DNAJC12: variants seen among roughly 807,000 people sequenced by gnomAD.
DNAJC12 encodes the protein dnaJ homolog subfamily C member 12.
DNAJC12 carries 25 observed loss-of-function variants against 28.5 expected under a neutral mutation model. That is an observed-to-expected ratio of 0.88 (90% CI 0.64 to 1.22). The LOEUF (loss-of-function observed/expected upper bound fraction) is 1.22, where lower values mean the gene tolerates loss of function less well. DNAJC12 is among the 50% of genes most tolerant of loss of function. The pLI, the probability that DNAJC12 is intolerant of heterozygous loss-of-function variation, is 0.00. For synonymous variants in DNAJC12, 77 were observed against 80.6 expected (o/e 0.95, Z 0.24); for missense variants, 222 against 231.7 (o/e 0.96, Z 0.27).
chr10:67,826,945 TATATATCATG>T (rs1367021028), intron 1 of DNAJC12, among the ~76,000 whole-genome samples: 4 of 134,926 alleles, frequency 3.0e-5, no homozygotes, highest in Non-Finnish European at 3.1e-5. Flanking sequence ...ATATATATAA[TATATATCATG>T]ATTTATATAT....
intron 1 of DNAJC12, among the ~76,000 whole-genome samples, chr10:67,837,109 A>G (rs752291302): frequency 7.2e-5 from 11 of 151,996 alleles, no homozygotes; most frequent in Admixed American, 1.3e-4. Flanking sequence ...AAAGTGTACA[A>G]GGAAAGTTTA....
At chr10:67,828,452 A>G (rs1828902127) in intron 1 of DNAJC12, among the ~76,000 whole-genome samples, 1 of 152,168 alleles carries the variant, frequency 6.6e-6, no homozygotes, top group African/African-American at 2.4e-5. Context: ...ACCCAGACTA[A>G]TAACTATTAT....
chr10:67,838,017 T>A lies in DNAJC12; in HGVS notation c.-6A>T. 6.3e-7 allele frequency: 1 copy of A among 1,596,788 alleles called. No individual in the cohort carries two copies. Among genetic ancestry groups the A allele is most frequent in the Non-Finnish European group, 8.6e-7 (1 of 1,168,404 alleles). ...TAATTCAGTATTGCATCCATTTAGA[T>A]GACTTAATCAGTCCTTCTTCCCTCG... On this transcript the variant is annotated 5_prime_UTR_variant, in exon 1 of 5. Transcript: ENST00000225171.
At chr10:67,825,823 C>T (rs1842024220) in intron 1 of DNAJC12, among the ~76,000 whole-genome samples, 1 of 152,168 alleles carries the variant, frequency 6.6e-6, no homozygotes, top group Non-Finnish European at 1.5e-5. Flanking sequence ...GAAAAGATGA[C>T]TTCCTGTTAG....
intron 2 of DNAJC12, among the ~76,000 whole-genome samples, chr10:67,815,519 AAAAAAAAAGAAAAG>A (rs1010552192): frequency 6.6e-6 from 1 of 150,950 alleles, no homozygotes; most frequent in Non-Finnish European, 1.5e-5. Flanking sequence ...AAAAAAAAAA[AAAAAAAAAGAAAAG>A]AAAAAAAAAG....
At chr10:67,805,478 C>A in intron 4 of DNAJC12, 105 bp downstream of exon 4, 2 of 1,184,988 alleles carry the variant, frequency 1.7e-6, no homozygotes, top group Non-Finnish European at 2.3e-6. Flanking sequence ...AATCTTTAAA[C>A]TTGGCACTGC....
chr10:67,837,660 A>T (rs991460284), intron 1 of DNAJC12, among the ~76,000 whole-genome samples: 4 of 152,216 alleles, frequency 2.6e-5, no homozygotes, highest in Non-Finnish European at 5.9e-5. Context: ...TATTTTTAAT[A>T]TACTATATTG....
intron 1 of DNAJC12, 101 bp from the exon 2 acceptor site, chr10:67,823,493 A>T (rs1842000685): frequency 1.1e-6 from 1 of 905,234 alleles, no homozygotes; most frequent in African/African-American, 1.7e-5. Context: ...GCGGATCACC[A>T]GGAATAAGAC....
chr10:67,835,115 T>C (rs1323661261), intron 1 of DNAJC12, among the ~76,000 whole-genome samples: 1 of 152,186 alleles, frequency 6.6e-6, no homozygotes, highest in Non-Finnish European at 1.5e-5. Context: ...CTTTAATCAA[T>C]TTCTAGCACA....
intron 1 of DNAJC12, among the ~76,000 whole-genome samples, chr10:67,824,950 G>A (rs1343143430): frequency 6.6e-6 from 1 of 151,956 alleles, no homozygotes; most frequent in African/African-American, 2.4e-5. Flanking sequence ...GGCCAGGCTG[G>A]TCTCAAACTC....
At chr10:67,824,053 C>T (rs1050468969) in intron 1 of DNAJC12, among the ~76,000 whole-genome samples, 17 of 151,816 alleles carry the variant, frequency 1.1e-4, no homozygotes, top group African/African-American at 3.1e-4. Flanking sequence ...CTAGCCAACA[C>T]GGTGAAACCC....
intron 1 of DNAJC12, among the ~76,000 whole-genome samples, chr10:67,826,699 TTA>T (rs1842035346): frequency 8.0e-6 from 1 of 124,874 alleles, no homozygotes; most frequent in South Asian, 2.3e-4. Context: ...ATGATATATA[TTA>T]TATATATCAC....
At chr10:67,816,869 A>G (rs1841921870) in intron 2 of DNAJC12, among the ~76,000 whole-genome samples, 1 of 152,050 alleles carries the variant, frequency 6.6e-6, no homozygotes, top group African/African-American at 2.4e-5. Flanking sequence ...CTTCATGGCC[A>G]TGGAGAAGTT....
At chr10:67,804,246 A>G (rs564140731) in intron 4 of DNAJC12, among the ~76,000 whole-genome samples, 7 of 152,234 alleles carry the variant, frequency 4.6e-5, no homozygotes, top group Non-Finnish European at 7.3e-5. Context: ...GACAAATGAT[A>G]CAAACAGGTA....
intron 3 of DNAJC12, among the ~76,000 whole-genome samples, chr10:67,810,613 T>C (rs1293445074): frequency 2.0e-5 from 3 of 152,206 alleles, no homozygotes; most frequent in South Asian, 2.1e-4. Flanking sequence ...AGGGAATTTA[T>C]GAGATTTAAC....
chr10:67,796,795 A>G lies in DNAJC12; in HGVS notation c.*321T>C, dbSNP rs888120659. ...TCACTAATAGAGATCACAGTATGTC[A>G]ATGAAATATTTAAATACACTGTACA... On this transcript the variant is annotated 3_prime_UTR_variant, in exon 5 of 5. Coordinates refer to ENST00000225171, the MANE Select transcript of DNAJC12 (RefSeq NM_021800.3). The G allele has an allele frequency of 1.1e-5, 2 of 175,084 alleles. No individual in the cohort carries two copies. The highest frequency in any genetic ancestry group is 2.4e-5 in the Non-Finnish European group (2 of 83,674). 10.8% of individuals were successfully genotyped at this position (175,084 alleles called of 1,614,324 possible).
intron 2 of DNAJC12, among the ~76,000 whole-genome samples, chr10:67,812,464 A>C (rs1413971276): frequency 6.6e-6 from 1 of 152,198 alleles, no homozygotes; most frequent in Non-Finnish European, 1.5e-5. Context: ...TATATAATAG[A>C]AACCTTTTAT....
chr10:67,812,984 T>C (rs1190343935), intron 2 of DNAJC12, among the ~76,000 whole-genome samples: 2 of 152,108 alleles, frequency 1.3e-5, no homozygotes, highest in Non-Finnish European at 2.9e-5. Flanking sequence ...TTTGCACCAC[T>C]GCACTCCAGC....
intron 3 of DNAJC12, among the ~76,000 whole-genome samples, chr10:67,810,553 T>C (rs968144253): frequency 2.0e-5 from 3 of 152,132 alleles, no homozygotes; most frequent in African/African-American, 7.2e-5. Context: ...CCAGAGGGAT[T>C]ATACTATTTA....
Sources: gnomAD v4.1 joint callset for allele counts (sites outside exome capture counted in the v4.1 genomes callset) on GRCh38, gnomAD v4.1.1 for gene constraint, MANE v1.5 for transcripts, NCBI Gene and HGNC (gene_info 2026-07-23, HGNC 2026-07-21) for gene names.